USH1C: variants seen among roughly 807,000 people sequenced by gnomAD.
USH1C encodes the protein harmonin.
USH1C carries 90 observed loss-of-function variants against 119.3 expected under a neutral mutation model. That is an observed-to-expected ratio of 0.75 (90% CI 0.64 to 0.90). USH1C has a LOEUF of 0.90. Ranked by LOEUF, USH1C falls within the 40% of genes least tolerant of loss-of-function variation. USH1C has a pLI of 0.00. For synonymous variants in USH1C, 465 were observed against 443.3 expected, an observed-to-expected ratio of 1.05 and a Z score of -0.62; for missense variants, 1,165 against 1,167.7, an observed-to-expected ratio of 1.00 and a Z score of 0.03.
At chr11:17,505,315 G>C (rs1185064259) in intron 19 of USH1C, among the ~76,000 whole-genome samples, 1 of 152,282 alleles carries the variant, frequency 6.6e-6, no homozygotes, top group Non-Finnish European at 1.5e-5. Flanking sequence ...TAGGGCAGGG[G>C]CCAGGGCACC....
At chr11:17,520,746 T>A in intron 14 of USH1C, 124 bp downstream of exon 14, 1 of 1,205,520 alleles carries the variant, frequency 8.3e-7, no homozygotes, top group Non-Finnish European at 1.2e-6. Context: ...CAGCTGCCCC[T>A]CCATGAAGGA....
intron 1 of USH1C, among the ~76,000 whole-genome samples, chr11:17,543,550 C>T (rs552378989): frequency 2.8e-4 from 42 of 152,308 alleles, no homozygotes; most frequent in African/African-American, 9.4e-4. Context: ...GAATCATTCT[C>T]GAAATGCCCT....
chr11:17,509,288 A>T (rs1355597425), intron 18 of USH1C, 68 bp downstream of exon 18: 1 of 1,504,364 alleles, frequency 6.6e-7, no homozygotes, highest in Non-Finnish European at 8.9e-7. Flanking sequence ...GCAGTGGAGG[A>T]CATGGGAAAC....
At chr11:17,503,008 A>G (rs538025084) in intron 20 of USH1C, among the ~76,000 whole-genome samples, 2 of 152,266 alleles carry the variant, frequency 1.3e-5, no homozygotes, top group East Asian at 3.9e-4. Flanking sequence ...AGATTCCCCT[A>G]TCCTCAGAAT....
intron 20 of USH1C, among the ~76,000 whole-genome samples, chr11:17,502,202 A>AATCCT (rs1322451322): frequency 6.6e-6 from 1 of 152,012 alleles, no homozygotes; most frequent in Non-Finnish European, 1.5e-5. Flanking sequence ...ACTTTAGAGG[A>AATCCT]TCTTGACCCT....
chr11:17,542,970 C>T (rs1490829032), intron 1 of USH1C, among the ~76,000 whole-genome samples: 1 of 152,216 alleles, frequency 6.6e-6, no homozygotes, highest in Non-Finnish European at 1.5e-5. Context: ...CAGGAGCCTT[C>T]TGCCAGTTTG....
At chr11:17,509,047 A>G (rs1849755331) in intron 18 of USH1C, among the ~76,000 whole-genome samples, 1 of 152,212 alleles carries the variant, frequency 6.6e-6, no homozygotes, top group Non-Finnish European at 1.5e-5. Context: ...CAAGTCCTAC[A>G]TTGAAAGTTA....
At position 17,520,899 on chromosome 11, in the gene USH1C, A is replaced by G. The variant is rs1164501722; in HGVS notation, c.1181T>C (p.Val394Ala). The change falls in exon 14 of 27, where the codon GTA (valine) becomes GCA (alanine). Residue 394 changes from valine (V) to alanine (A), a missense_variant. Val to Ala is a moderately conservative substitution (Grantham distance 64). Transcript: ENST00000005226. The part of the protein sequence containing the change: ...LLLPKTITAE[V>A]HPVPLRKPKS... ...TGGCTTGCGAAGGGGTACTGGGTGT[A>G]CCTCAGCAGTGATGGTTTTAGGCAA... The G allele has an allele frequency of 2.5e-6, 4 of 1,613,914 alleles. No homozygotes were observed. The highest frequency in any genetic ancestry group is 1.3e-5 in the African/African-American group (1 of 74,876).
rs1302800608 is a variant in USH1C, at chr11:17,527,391, A to G, written c.388-60T>C. 3.7e-5 allele frequency: 48 copies of G among 1,301,610 alleles called. No homozygotes were observed. The East Asian group carries it at 1.1e-3, about 30-fold the overall frequency. 80.6% of individuals were successfully genotyped at this position (1,301,610 alleles called of 1,614,324 possible). A position where few individuals can be genotyped will look rare whatever the true frequency, so the allele number is the denominator to read the frequency against. ...GAGGGAGCATCAGGCAGTGGGGCAGACTCACCACCAGATGCTCCCGGACTG... is the reference window on the plus strand; with the variant it reads ...GAGGGAGCATCAGGCAGTGGGGCAGGCTCACCACCAGATGCTCCCGGACTG... On this transcript the variant is annotated intron_variant, in intron 4 of 26. Transcript: ENST00000005226.
chr11:17,509,567 G>A lies in USH1C; in HGVS notation c.1802C>T (p.Pro601Leu). Residue 601 changes from proline (P) to leucine (L), a missense_variant, in exon 18 of 27, where the codon CCC becomes CTC. By Grantham distance (98) the Pro-to-Leu change is moderately conservative. Coordinates refer to ENST00000005226, the MANE Select transcript of USH1C (RefSeq NM_153676.4). ...SSSPWVQRTP[P>L]PIPIPPPPSV... ...TGGCGGGGGAGGGATGGGAATGGGG[G>A]GTGGAGTGCGCTGCACCCATGGAGA... 2 of 1,598,068 alleles carry A rather than the reference G, an allele frequency of 1.3e-6. No individual in the cohort carries two copies. Among genetic ancestry groups the A allele is most frequent in the South Asian group, 2.2e-5 (2 of 89,196 alleles).
chr11:17,503,310 G>C (rs1849519390), intron 20 of USH1C, among the ~76,000 whole-genome samples: 1 of 152,194 alleles, frequency 6.6e-6, no homozygotes, highest in Non-Finnish European at 1.5e-5. Flanking sequence ...AGGCTGGGCA[G>C]TGCTGGCTCT....
chr11:17,523,712 T>C (rs1312212026), intron 9 of USH1C, among the ~76,000 whole-genome samples: 3 of 152,234 alleles, frequency 2.0e-5, no homozygotes, highest in Admixed American at 1.3e-4. Context: ...TCAAATATTA[T>C]ACCATTACAT....
Position 17,531,546 on chromosome 11 carries a change from T to C in USH1C, c.105-4A>G, listed in dbSNP as rs201374986. The C allele has an allele frequency of 1.8e-4, 284 of 1,612,844 alleles. No individual in the cohort carries two copies. The highest frequency in any genetic ancestry group is 2.2e-4 in the Non-Finnish European group (258 of 1,179,990). ...GAGCACGGCCACGTCCATGGTCCTG[T>C]GGAGATGCCGGGAATGCCTGGAGCC... On this transcript the variant is annotated splice_polypyrimidine_tract_variant and splice_region_variant and intron_variant, in intron 2 of 26. Transcript: ENST00000005226. This position sits in a 1 kb window ranked among gnomAD's most constrained non-coding sequence, Gnocchi z 4.2.
intron 8 of USH1C, among the ~76,000 whole-genome samples, chr11:17,525,387 G>A (rs1185436142): frequency 2.0e-5 from 3 of 152,254 alleles, no homozygotes; most frequent in African/African-American, 4.8e-5. Flanking sequence ...TTGAATAAAT[G>A]TGAATGAAAG....
intron 8 of USH1C, among the ~76,000 whole-genome samples, chr11:17,525,266 T>C (rs927820478): frequency 6.6e-6 from 1 of 152,210 alleles, no homozygotes; most frequent in African/African-American, 2.4e-5. Context: ...TGTAGTCCCG[T>C]TCGAGTCCCT....
intron 4 of USH1C, 76 bp from the exon 5 acceptor site, chr11:17,527,407 T>G: frequency 8.6e-7 from 1 of 1,164,442 alleles, no homozygotes; most frequent in Middle Eastern, 2.2e-4. Context: ...CACCAGATGC[T>G]CCCGGACTGC....
In USH1C at chr11:17,503,353, T is replaced by A. The variant is rs1489002167; in HGVS notation, c.2184+1294A>T. ...TTGCTCCATGATCCTGAGAACCAGC[T>A]CTCAGGGATGGGCCAGATGGCAGGT... is the stretch of plus-strand genomic sequence containing the variant. On this transcript the variant is annotated intron_variant, in intron 20 of 26. Transcript: ENST00000005226. 2.0e-5 allele frequency among the ~76,000 whole-genome samples: 3 copies of A among 152,154 alleles called. No homozygotes were observed. The East Asian group carries it at 5.8e-4, about 29-fold the overall frequency.
chr11:17,537,718 C>A (rs972064905), intron 1 of USH1C, among the ~76,000 whole-genome samples: 4 of 152,208 alleles, frequency 2.6e-5, no homozygotes, highest in African/African-American at 9.7e-5. Context: ...GAGTCTGGAG[C>A]CTCCTCACCT....
In USH1C at chr11:17,523,087, G is replaced by A. The variant is rs1017241330; in HGVS notation, c.876+124C>T. 5.1e-6 allele frequency: 8 copies of A among 1,574,652 alleles called. No homozygotes were observed. The Admixed American group carries it at 6.7e-5, about 13-fold the overall frequency. The stretch of plus-strand genomic sequence containing the variant: ...CTTCTTGCTGGGCAGAAGTCCTCTC[G>A]CTCTGCTCTGTCAGAGCTTCAGGGA... On this transcript the variant is annotated intron_variant, in intron 11 of 26. Coordinates refer to ENST00000005226, the MANE Select transcript of USH1C (RefSeq NM_153676.4).
Sources: gnomAD v4.1 joint callset for allele counts (sites outside exome capture counted in the v4.1 genomes callset) on GRCh38, gnomAD v4.1.1 for gene constraint, Gnocchi (gnomAD v3.1) non-coding constraint, MANE v1.5 for transcripts, NCBI Gene and HGNC (gene_info 2026-07-23, HGNC 2026-07-21) for gene names.